Variants in CACUL1 observed in about 807,000 individuals in gnomAD.
The protein encoded by CACUL1 is CDK2 associated cullin domain 1, also known as CDK2-associated and cullin domain-containing protein 1.
Under a neutral mutation model 45.2 loss-of-function variants are expected in CACUL1, and 13 were observed. That is an observed-to-expected ratio of 0.29 (90% CI 0.19 to 0.46). The LOEUF (loss-of-function observed/expected upper bound fraction) is 0.46, where lower values mean the gene tolerates loss of function less well. CACUL1 is among the 20% of genes least tolerant of loss of function. The pLI is 1.00. For missense variants in CACUL1, 421 were observed against 471.4 expected, an observed-to-expected ratio of 0.89 and a Z score of 0.99; for synonymous variants, 197 against 174.2, an observed-to-expected ratio of 1.13 and a Z score of -1.03.
intron 6 of CACUL1, chr10:118,693,142 G>C (rs1886897): frequency 0.75 from 114,532 of 152,182 alleles, 43,261 homozygotes; most frequent in Non-Finnish European, 0.79. Flanking sequence ...GGTAAGTCAT[G>C]AGAATCTCCA....
intron 1 of CACUL1, among the ~76,000 whole-genome samples, chr10:118,753,538 A>C (rs1381046969): frequency 6.6e-6 from 1 of 152,234 alleles, no homozygotes; most frequent in Non-Finnish European, 1.5e-5. Flanking sequence ...GCACACATAC[A>C]CACAAACCAA....
rs551357084 is a variant in CACUL1 at position 118,678,240 on chromosome 10, GCTTCT to G, written c.*7883_*7887del. 139 of 152,184 alleles carry G rather than the reference GCTTCT, an allele frequency of 9.1e-4. No homozygotes were observed. Among genetic ancestry groups the G allele is most frequent in the Admixed American group, 1.8e-3 (27 of 15,286 alleles). 9.4% of individuals were successfully genotyped at this position (152,184 alleles called of 1,614,324 possible). A position where few individuals can be genotyped will look rare whatever the true frequency, so the allele number is the denominator to read the frequency against. ...ATATTTGTATCTTATTCCAGATTTG[GCTTCT>G]CTTTTCACTCTACAGCATGTTTGGT... On this transcript the variant is annotated 3_prime_UTR_variant, in exon 9 of 9. Coordinates refer to ENST00000369151, the MANE Select transcript of CACUL1 (RefSeq NM_153810.5).
In CACUL1 at chr10:118,754,626, G is replaced by A. The variant is rs561279789; in HGVS notation, c.137C>T (p.Pro46Leu). 7.5e-5 allele frequency: 121 copies of A among 1,607,712 alleles called. No individual in the cohort carries two copies. In the Admixed American group the frequency reaches 9.9e-4, roughly 13 times the overall value. Residue 46 changes from proline to leucine, a missense_variant, in exon 1 of 9, where the codon CCG becomes CTG. Physicochemically the swap from Pro to Leu is moderately conservative, Grantham distance 98. This residue lies in a region of CACUL1 where 213 missense variants were observed against 173.1 expected (regional missense o/e 1.23). Coordinates refer to ENST00000369151, the MANE Select transcript of CACUL1 (RefSeq NM_153810.5). ...LPPPPPPSSI[P>L]APAREPPGGQ... Reference sequence around the variant, plus strand: ...CCCCGGAGGCTCTCGGGCAGGGGCCGGGATCGACGAGGGGGGCGGCGGAGG... The same window carrying A: ...CCCCGGAGGCTCTCGGGCAGGGGCCAGGATCGACGAGGGGGGCGGCGGAGG...
chr10:118,724,345 C>T (rs1279696445), intron 3 of CACUL1, among the ~76,000 whole-genome samples: 2 of 152,156 alleles, frequency 1.3e-5, no homozygotes, highest in East Asian at 3.9e-4. Context: ...GATCCTGGCC[C>T]TATAATTCAC....
At chr10:118,745,380 G>A (rs533255577) in intron 1 of CACUL1, among the ~76,000 whole-genome samples, 2 of 152,150 alleles carry the variant, frequency 1.3e-5, no homozygotes, top group South Asian at 2.1e-4. Flanking sequence ...TGGCCAACAC[G>A]GCGAAACCTC....
At chr10:118,715,614 T>G (rs1032593122) in intron 3 of CACUL1, among the ~76,000 whole-genome samples, 1 of 152,230 alleles carries the variant, frequency 6.6e-6, no homozygotes, top group Non-Finnish European at 1.5e-5. Context: ...TTAATTGTAA[T>G]AGTTACACAT....
At position 118,691,341 on chromosome 10, in the gene CACUL1, C is replaced by A. The variant is rs377310953; in HGVS notation, c.949G>T (p.Val317Leu). The change falls in exon 7 of 9, where the codon GTG (valine) becomes TTG (leucine). Residue 317 changes from valine (V) to leucine (L), a missense_variant. Physicochemically the swap from Val to Leu is conservative, Grantham distance 32. Transcript: ENST00000369151. ...GCATATTCAGAAAGTTCAGATTCCACCGCCGGAGGGAGAATGTTTGGAATA... is the reference window on the plus strand; with the variant it reads ...GCATATTCAGAAAGTTCAGATTCCAACGCCGGAGGGAGAATGTTTGGAATA... Reference protein sequence around the residue: ...KFIPNILPPAVESELSEYAAQ... With the variant: ...KFIPNILPPALESELSEYAAQ... 1.9e-6 allele frequency: 3 copies of A among 1,612,312 alleles called. No individual in the cohort carries two copies. The highest frequency in any genetic ancestry group is 2.5e-6 in the Non-Finnish European group (3 of 1,178,518).
chr10:118,752,302 G>A (rs868486949), intron 1 of CACUL1, among the ~76,000 whole-genome samples: 1 of 151,884 alleles, frequency 6.6e-6, no homozygotes, highest in Non-Finnish European at 1.5e-5. Flanking sequence ...GAAGGTTTTT[G>A]GTAATGACCT....
chr10:118,693,695 T>C (rs542274096), intron 6 of CACUL1: 22 of 456,548 alleles, frequency 4.8e-5, no homozygotes, highest in African/African-American at 4.2e-4. Context: ...CATAACCTGG[T>C]ACACACACTA....
chr10:118,691,317 C>A lies in CACUL1; in HGVS notation c.973G>T (p.Ala325Ser). The A allele has an allele frequency of 6.2e-7, 1 of 1,613,262 alleles. No individual in the cohort carries two copies. Among genetic ancestry groups the A allele is most frequent in the Non-Finnish European group, 8.5e-7 (1 of 1,179,278 alleles). ...CTTTGAAATTTCTGATCTTGAGCAGCATATTCAGAAAGTTCAGATTCCACC... is the reference window on the plus strand; with the variant it reads ...CTTTGAAATTTCTGATCTTGAGCAGAATATTCAGAAAGTTCAGATTCCACC... The part of the protein sequence containing the change: ...PAVESELSEY[A>S]AQDQKFQREL... The change falls in exon 7 of 9, where the codon GCT (alanine) becomes TCT (serine). Residue 325 changes from alanine to serine, a missense_variant. Ala to Ser is a moderately conservative substitution (Grantham distance 99, BLOSUM62 1). Around this residue, in one of 2 missense-constraint regions of CACUL1, gnomAD observed 208 missense variants for 298.4 expected, o/e 0.70. Transcript: ENST00000369151.
chr10:118,716,228 T>A (rs1845543195), intron 3 of CACUL1, among the ~76,000 whole-genome samples: 1 of 146,392 alleles, frequency 6.8e-6, no homozygotes, highest in Non-Finnish European at 1.5e-5. Context: ...CAAGACTCCG[T>A]CTCAAAAAAA....
intron 3 of CACUL1, among the ~76,000 whole-genome samples, chr10:118,719,631 G>T (rs1371108630): frequency 6.6e-6 from 1 of 152,118 alleles, no homozygotes; most frequent in African/African-American, 2.4e-5. Flanking sequence ...GACCAACGTG[G>T]AGAAATCCCG....
chr10:118,715,366 G>C (rs2119608729), intron 3 of CACUL1, among the ~76,000 whole-genome samples: 1 of 152,304 alleles, frequency 6.6e-6, no homozygotes, highest in African/African-American at 2.4e-5. Context: ...TGATTGGTCA[G>C]TCACCCGAAT....
At chr10:118,716,138 A>AG (rs1209215490) in intron 3 of CACUL1, among the ~76,000 whole-genome samples, 3 of 151,910 alleles carry the variant, frequency 2.0e-5, no homozygotes, top group African/African-American at 7.3e-5. Context: ...AGGCTGAGGC[A>AG]GGAGAATGGC....
chr10:118,710,183 C>T (rs1759769460), intron 3 of CACUL1, among the ~76,000 whole-genome samples: 1 of 151,978 alleles, frequency 6.6e-6, no homozygotes, highest in Non-Finnish European at 1.5e-5. Context: ...GCCTCAGCCT[C>T]CCAAAGGGCT....
At position 118,745,379 on chromosome 10, in the gene CACUL1, C is replaced by T. The variant is rs186122183; in HGVS notation, c.367+9017G>A. Among the ~76,000 whole-genome samples the T allele has an allele frequency of 1.9e-3, 289 of 152,054 alleles. 3 individuals carry two copies. The highest frequency in any genetic ancestry group is 1.0e-2 in the South Asian group (48 of 4,812). On this transcript the variant is annotated intron_variant, in intron 1 of 8. Transcript: ENST00000369151. ...GAGTTCAAGACCAGCCTGGCCAACA[C>T]GGCGAAACCTCACCTCTACTAAAAA...
rs769933300 is a variant in CACUL1 at position 118,754,735 on chromosome 10, C to A, written c.28G>T (p.Gly10Trp). 2 of 1,600,274 alleles carry A rather than the reference C, an allele frequency of 1.2e-6. No homozygotes were observed. Among genetic ancestry groups the A allele is most frequent in the South Asian group, 2.2e-5 (2 of 90,036 alleles). Residue 10 changes from glycine to tryptophan, a missense_variant, in exon 1 of 9, where the codon GGG becomes TGG. By Grantham distance (184) the Gly-to-Trp change is radical. This residue lies in a region of CACUL1 where 213 missense variants were observed against 173.1 expected (regional missense o/e 1.23). Coordinates refer to ENST00000369151, the MANE Select transcript of CACUL1 (RefSeq NM_153810.5). MEESMEEEEGGSYEAMMDDQ... is the reference protein window; with the variant it reads MEESMEEEEWGSYEAMMDDQ... ...TCCATCATCGCCTCGTAGCTGCCCC[C>A]CTCCTCCTCTTCCATGCTTTCCTCC...
chr10:118,698,924 G>A (rs375189176), intron 5 of CACUL1, among the ~76,000 whole-genome samples: 1 of 151,962 alleles, frequency 6.6e-6, no homozygotes, highest in Non-Finnish European at 1.5e-5. Context: ...TTATTTTTTT[G>A]CTGCAGTAAA....
At chr10:118,723,269 A>G (rs1845618368) in intron 3 of CACUL1, among the ~76,000 whole-genome samples, 1 of 152,006 alleles carries the variant, frequency 6.6e-6, no homozygotes, top group Non-Finnish European at 1.5e-5. Flanking sequence ...TTTACTACAG[A>G]CTGTATCCTT....
Sources: allele counts gnomAD v4.1 joint callset (sites outside exome capture counted in the v4.1 genomes callset), GRCh38; gene constraint gnomAD v4.1.1; regional missense constraint gnomAD v4.1.1; transcripts MANE v1.5; gene names NCBI Gene and HGNC (gene_info 2026-07-23, HGNC 2026-07-21).